The following PCDH9 variants were observed in gnomAD, a reference collection of about 807,000 sequenced individuals.
The protein encoded by PCDH9 is protocadherin-9.
Under a neutral mutation model 70.6 loss-of-function variants are expected in PCDH9, and 24 were observed. The ratio of observed to expected loss-of-function variants is 0.34; its 90% CI spans 0.25 to 0.48. The LOEUF is 0.48. PCDH9 is among the 20% of genes least tolerant of loss of function. The pLI is 0.99. For synonymous variants in PCDH9, 562 were observed against 558.5 expected (o/e 1.01, Z -0.09); for missense variants, 1,281 against 1,503.6 (o/e 0.85, Z 2.45).
At chr13:66,751,863 G>C (rs1468303158) in intron 3 of PCDH9, among the ~76,000 whole-genome samples, 1 of 152,172 alleles carries the variant, frequency 6.6e-6, no homozygotes, top group African/African-American at 2.4e-5. Flanking sequence ...TGCTAAACAG[G>C]AGTGCAGTGA....
chr13:66,478,897 C>T lies in PCDH9; in HGVS notation c.3340+152313G>A, dbSNP rs191610464. Among the ~76,000 whole-genome samples, 7 of 152,242 alleles carry T rather than the reference C, an allele frequency of 4.6e-5. No homozygotes were observed. In the East Asian group the frequency reaches 5.8e-4, roughly 13 times the overall value. ...GCTACACTAAAAAACAGATTTTCAA[C>T]GTAGATAAAACAGCCTCTGTTGGAA... On this transcript the variant is annotated intron_variant, in intron 4 of 4. Coordinates refer to ENST00000377865, the MANE Select transcript of PCDH9 (RefSeq NM_203487.3).
chr13:67,127,651 A>G (rs1205859385), intron 2 of PCDH9, among the ~76,000 whole-genome samples: 1 of 149,096 alleles, frequency 6.7e-6, no homozygotes, highest in African/African-American at 2.5e-5. Context: ...ATTCATTTCA[A>G]GACTTTTTTA....
chr13:67,079,902 G>A (rs2085950197), intron 2 of PCDH9, among the ~76,000 whole-genome samples: 1 of 152,136 alleles, frequency 6.6e-6, no homozygotes, highest in Admixed American at 6.6e-5. Context: ...TTAGACATTA[G>A]CTTAACTCTC....
At chr13:67,181,244 T>G (rs9564377) in intron 2 of PCDH9, among the ~76,000 whole-genome samples, 17,156 of 152,166 alleles carry the variant, frequency 0.11, 1,077 homozygotes, top group East Asian at 0.23. Context: ...TCATGGTAAA[T>G]CAAACTTGCA....
In PCDH9 at chr13:67,226,365, A is replaced by G. The variant is rs753363393; in HGVS notation, c.2076T>C (p.Ile692=). The stretch of plus-strand genomic sequence containing the variant: ...AAACTTCTGCTACCACGGAGCCAGG[A>G]ATGGCTGAGAGGGGCACCAACTTAA... ...TSFKLVPLSA[I]PGSVVAEVFA... is the part of the protein sequence containing the mutation. Residue 692 remains isoleucine (I), a synonymous_variant, in exon 2 of 5, where the codon ATT becomes ATC. Coordinates refer to ENST00000377865, the MANE Select transcript of PCDH9 (RefSeq NM_203487.3). The surrounding 1 kb of genome is among the most constrained non-coding windows in gnomAD (Gnocchi z 5.0). 12 of 1,614,188 alleles carry G rather than the reference A, an allele frequency of 7.4e-6. No individual in the cohort carries two copies. The highest frequency in any genetic ancestry group is 1.6e-4 in the Middle Eastern group (1 of 6,062).
intron 3 of PCDH9, among the ~76,000 whole-genome samples, chr13:66,832,450 C>T (rs1391664071): frequency 6.6e-6 from 1 of 151,888 alleles, no homozygotes; most frequent in Non-Finnish European, 1.5e-5. Flanking sequence ...ACTTTATAGA[C>T]ATTTATGCAA....
chr13:66,849,505 T>C (rs762480307), intron 3 of PCDH9, among the ~76,000 whole-genome samples: 2 of 91,676 alleles, frequency 2.2e-5, no homozygotes, highest in East Asian at 5.1e-4. Flanking sequence ...TATATATATA[T>C]ATATATATAT....
At chr13:66,449,952 T>A (rs921049481) in intron 4 of PCDH9, among the ~76,000 whole-genome samples, 1 of 152,178 alleles carries the variant, frequency 6.6e-6, no homozygotes, top group African/African-American at 2.4e-5. Flanking sequence ...TTATACTTCA[T>A]GAGTGTTACC....
At chr13:66,763,778 T>G (rs932952876) in intron 3 of PCDH9, among the ~76,000 whole-genome samples, 1 of 152,022 alleles carries the variant, frequency 6.6e-6, no homozygotes, top group African/African-American at 2.4e-5. Flanking sequence ...CTTCACAACT[T>G]AATCTATCTG....
chr13:66,558,716 T>C (rs1004283788), intron 4 of PCDH9, among the ~76,000 whole-genome samples: 1 of 152,010 alleles, frequency 6.6e-6, no homozygotes, highest in Non-Finnish European at 1.5e-5. Flanking sequence ...AGCTCAGTCA[T>C]GCAAAGTATG....
At chr13:67,173,459 A>G (rs2088354562) in intron 2 of PCDH9, among the ~76,000 whole-genome samples, 1 of 152,124 alleles carries the variant, frequency 6.6e-6, no homozygotes, top group East Asian at 1.9e-4. Flanking sequence ...CTGATTCACA[A>G]TATAGAGACT....
intron 2 of PCDH9, among the ~76,000 whole-genome samples, chr13:67,176,628 A>G (rs2088467576): frequency 6.6e-6 from 1 of 152,116 alleles, no homozygotes; most frequent in Admixed American, 6.6e-5. Flanking sequence ...TAATATTTTT[A>G]GACAAAGTGA....
intron 2 of PCDH9, among the ~76,000 whole-genome samples, chr13:67,194,130 T>C (rs78448167): frequency 0.012 from 1,868 of 152,262 alleles, 40 homozygotes; most frequent in African/African-American, 0.042. Context: ...TTATCAGTCT[T>C]ACTTATCAAA....
chr13:66,886,791 T>C (rs2082011333), intron 3 of PCDH9, among the ~76,000 whole-genome samples: 1 of 152,152 alleles, frequency 6.6e-6, no homozygotes, highest in African/African-American at 2.4e-5. Flanking sequence ...AAAAGAAAGA[T>C]GTTTTTCAAA....
At chr13:66,837,748 G>C (rs1171252765) in intron 3 of PCDH9, among the ~76,000 whole-genome samples, 1 of 152,000 alleles carries the variant, frequency 6.6e-6, no homozygotes, top group Non-Finnish European at 1.5e-5. Flanking sequence ...GTTAAAAAAC[G>C]ACCTTTCCAG....
chr13:66,495,577 A>ATAC lies in PCDH9; in HGVS notation c.3340+135632_3340+135633insGTA, dbSNP rs1555299683. ...CCATTCAATGTTTACTTGCAAAATA[A>ATAC]ATACATACATACATACATACATACC... On this transcript the variant is annotated intron_variant, in intron 4 of 4. Coordinates refer to ENST00000377865, the MANE Select transcript of PCDH9 (RefSeq NM_203487.3). Among the ~76,000 whole-genome samples, 795 of 151,044 alleles carry ATAC rather than the reference A, an allele frequency of 5.3e-3. 5 individuals are homozygous for ATAC. Among genetic ancestry groups the ATAC allele is most frequent in the East Asian group, 0.025 (129 of 5,100 alleles).
At position 66,822,923 on chromosome 13, in the gene PCDH9, A is replaced by G. The variant is rs1212488999; in HGVS notation, c.3138+80581T>C. Reference sequence around the variant, plus strand: ...ATTCTGGATAAATATGCGGTATCACATATATACTATATAGGAATTGCTAAT... The same window carrying G: ...ATTCTGGATAAATATGCGGTATCACGTATATACTATATAGGAATTGCTAAT... On this transcript the variant is annotated intron_variant, in intron 3 of 4. Coordinates refer to ENST00000377865, the MANE Select transcript of PCDH9 (RefSeq NM_203487.3). 2.0e-5 allele frequency among the ~76,000 whole-genome samples: 3 copies of G among 152,276 alleles called. 1 individual carries two copies. The highest frequency in any genetic ancestry group is 4.1e-4 in the South Asian group (2 of 4,830).
rs3764117 is a variant in PCDH9 at position 66,631,388 on chromosome 13, A to G, written c.3162T>C (p.His1054=). 5,368 of 1,610,806 alleles carry G rather than the reference A, an allele frequency of 3.3e-3. 193 individuals carry two copies. In the East Asian group the frequency reaches 0.083, roughly 25 times the overall value. ...HYESQRRVTF[H]LPDGSQESCS... Reference sequence around the variant, plus strand: ...AGCTTTCCTGGGAGCCATCAGGGAGATGAAACGTAACACGGCGCTGCGACT... The same window carrying G: ...AGCTTTCCTGGGAGCCATCAGGGAGGTGAAACGTAACACGGCGCTGCGACT... Residue 1054 remains histidine, a synonymous_variant, in exon 4 of 5, where the codon CAT becomes CAC. Coordinates refer to ENST00000377865, the MANE Select transcript of PCDH9 (RefSeq NM_203487.3).
At chr13:67,133,383 TAAAAA>T (rs1212142138) in intron 2 of PCDH9, among the ~76,000 whole-genome samples, 2 of 152,116 alleles carry the variant, frequency 1.3e-5, no homozygotes. Context: ...ATGCTTCCTT[TAAAAA>T]TTGTGAATTT....
Sources: gnomAD v4.1 joint callset for allele counts (sites outside exome capture counted in the v4.1 genomes callset) on GRCh38, gnomAD v4.1.1 for gene constraint, Gnocchi (gnomAD v3.1) non-coding constraint, MANE v1.5 for transcripts, NCBI Gene and HGNC (gene_info 2026-07-23, HGNC 2026-07-21) for gene names.